TNRC6B: variants seen among roughly 807,000 people sequenced by gnomAD.
TNRC6B encodes the protein trinucleotide repeat-containing gene 6B protein.
In TNRC6B, 52 loss-of-function variants were observed where a neutral mutation model predicts 203.6. The ratio of observed to expected loss-of-function variants is 0.26; its 90% confidence interval spans 0.20 to 0.32. The LOEUF is 0.32. TNRC6B is among the 10% of genes least tolerant of loss of function. The pLI is 1.00. For synonymous variants in TNRC6B, 838 were observed against 845.7 expected, an observed-to-expected ratio of 0.99 and a Z score of 0.16; for missense variants, 1,923 against 2,286.2, an observed-to-expected ratio of 0.84 and a Z score of 3.24.
intron 1 of TNRC6B, among the ~76,000 whole-genome samples, chr22:40,105,087 A>AAAGG (rs2068271467): frequency 6.6e-6 from 1 of 152,226 alleles, no homozygotes; most frequent in Non-Finnish European, 1.5e-5. Context: ...AAAGCACACG[A>AAAGG]TTGAGAGCAA....
At chr22:40,172,979 A>G (rs2069016659), upstream of TNRC6B, among the ~76,000 whole-genome samples, 1 of 152,100 alleles carries the variant, frequency 6.6e-6, no homozygotes, top group Non-Finnish European at 1.5e-5. Flanking sequence ...GAGTTAAAAG[A>G]TTTTCTCTAA....
intron 1 of TNRC6B, among the ~76,000 whole-genome samples, chr22:40,099,078 C>T (rs904559372): frequency 6.6e-6 from 1 of 151,888 alleles, no homozygotes; most frequent in Non-Finnish European, 1.5e-5. Flanking sequence ...GGTGAAACCC[C>T]GTCTCTACTA....
At chr22:40,230,244 C>A (rs937052800) in intron 1 of TNRC6B, among the ~76,000 whole-genome samples, 7 of 130,830 alleles carry the variant, frequency 5.4e-5, no homozygotes, top group African/African-American at 2.0e-4. Flanking sequence ...TGTATGTCTT[C>A]TCTGGCAAAG....
chr22:40,187,997 A>T (rs1601869107), intron 1 of TNRC6B, among the ~76,000 whole-genome samples: 2 of 152,144 alleles, frequency 1.3e-5, no homozygotes, highest in Non-Finnish European at 2.9e-5. Context: ...AGGCGGGTGG[A>T]TCACCTGAGG....
Position 40,326,654 on chromosome 22 carries a change from A to G in TNRC6B, c.*3413A>G, listed in dbSNP as rs2071406072. The G allele has an allele frequency of 6.6e-6, 1 of 152,622 alleles. No individual in the cohort carries two copies. Among genetic ancestry groups the G allele is most frequent in the Admixed American group, 6.5e-5 (1 of 15,270 alleles). The allele number at this position is 152,622 out of a possible 1,614,324, so 9.5% of individuals were successfully genotyped here. ...ACAACCCCAGCAACAAAAGAAAGGA[A>G]GGAAGGAAGAAACAACAGCTTAAAA... On this transcript the variant is annotated 3_prime_UTR_variant, in exon 23 of 23. Coordinates refer to ENST00000454349, the MANE Select transcript of TNRC6B (RefSeq NM_001162501.2).
intron 4 of TNRC6B, among the ~76,000 whole-genome samples, chr22:40,158,023 G>A (rs1448460258): frequency 6.6e-6 from 1 of 152,100 alleles, no homozygotes; most frequent in Non-Finnish European, 1.5e-5. Flanking sequence ...AACTGCAGTT[G>A]TCAAAATCAA....
chr22:40,176,227 C>T (rs1487374332), upstream of TNRC6B, among the ~76,000 whole-genome samples: 3 of 151,120 alleles, frequency 2.0e-5, no homozygotes, highest in South Asian at 2.1e-4. Context: ...CGGGTTCAAG[C>T]GATTCTCCTG....
In TNRC6B at chr22:40,132,943, C is replaced by CAAAAATAAAAAATAAAAAAAAAA. The variant is rs1292227314; in HGVS notation, c.45+7086_45+7087insTAAAAAATAAAAAAAAAAAAAAA. Among the ~76,000 whole-genome samples, 8 of 23,878 alleles carry CAAAAATAAAAAATAAAAAAAAAA rather than the reference C, an allele frequency of 3.4e-4. 2 individuals carry two copies. Among genetic ancestry groups the CAAAAATAAAAAATAAAAAAAAAA allele is most frequent in the African/African-American group, 2.6e-4 (1 of 3,802 alleles). 15.7% of individuals were successfully genotyped at this position (23,878 alleles called of 152,430 possible). A position where few individuals can be genotyped will look rare whatever the true frequency, so the allele number is the denominator to read the frequency against. On this transcript the variant is annotated intron_variant, in intron 3 of 23. Coordinates refer to the TNRC6B transcript ENST00000301923. ...TGGGGGACAGAGCAAGACTCTGTCT[C>CAAAAATAAAAAATAAAAAAAAAA]AAAAAAAAAAAAAAAAAAAAAAAAA...
At chr22:40,063,414 T>C (rs2067870573) in intron 1 of TNRC6B, among the ~76,000 whole-genome samples, 3 of 152,252 alleles carry the variant, frequency 2.0e-5, no homozygotes, top group Admixed American at 6.5e-5. Flanking sequence ...CCCTTGAATT[T>C]CCACATGAAT....
chr22:40,096,322 G>A (rs1187621684), intron 1 of TNRC6B, among the ~76,000 whole-genome samples: 1 of 152,186 alleles, frequency 6.6e-6, no homozygotes, highest in Non-Finnish European at 1.5e-5. Flanking sequence ...AGAAACCATG[G>A]TTGTTATGGA....
chr22:40,236,406 T>C (rs2069948219), intron 1 of TNRC6B, among the ~76,000 whole-genome samples: 1 of 152,164 alleles, frequency 6.6e-6, no homozygotes, highest in Admixed American at 6.5e-5. Context: ...TTCATCCAAG[T>C]TGGTGTATTA....
upstream of TNRC6B, among the ~76,000 whole-genome samples, chr22:40,176,218 G>T (rs916522202): frequency 6.7e-6 from 1 of 149,398 alleles, no homozygotes; most frequent in African/African-American, 2.5e-5. Context: ...TCCGCCTCCC[G>T]GGTTCAAGCG....
intron 1 of TNRC6B, among the ~76,000 whole-genome samples, chr22:40,111,903 C>T (rs1242852781): frequency 6.6e-6 from 1 of 152,146 alleles, no homozygotes; most frequent in East Asian, 1.9e-4. Flanking sequence ...GAGTTCAAGG[C>T]CAGCCTGGCC....
chr22:40,249,029 C>T (rs563538894), intron 2 of TNRC6B, among the ~76,000 whole-genome samples: 4 of 152,282 alleles, frequency 2.6e-5, no homozygotes, highest in Admixed American at 1.3e-4. Context: ...TGCAAAGAAT[C>T]GTGGAGAACG....
intron 1 of TNRC6B, among the ~76,000 whole-genome samples, chr22:40,198,439 C>T (rs2146403157): frequency 6.6e-6 from 1 of 152,152 alleles, no homozygotes; most frequent in South Asian, 2.1e-4. Context: ...TAAGTGGGCT[C>T]AGCAAGGTGT....
rs1442058429 is a variant in TNRC6B, at chr22:40,265,460, T to G, written c.1230T>G (p.Pro410=). 1.2e-6 allele frequency: 2 copies of G among 1,613,978 alleles called. No individual in the cohort carries two copies. Among genetic ancestry groups the G allele is most frequent in the Admixed American group, 3.3e-5 (2 of 60,010 alleles). ...ACACCTCCAGGAGCACTGATGCCCC[T>G]TCACAAAGCACTGGAGATCGAAAGA... ...LGNTSRSTDA[P]SQSTGDRKTG... The change falls in exon 5 of 23, where the codon CCT becomes CCG. Residue 410 remains proline, a synonymous_variant. Coordinates refer to ENST00000454349, the MANE Select transcript of TNRC6B (RefSeq NM_001162501.2).
chr22:40,171,454 C>T (rs1485276209), intron 4 of TNRC6B, among the ~76,000 whole-genome samples: 2 of 152,020 alleles, frequency 1.3e-5, no homozygotes, highest in Non-Finnish European at 2.9e-5. Flanking sequence ...AGCCACCGCA[C>T]CCGGCCATAA....
At position 40,156,113 on chromosome 22, in the gene TNRC6B, AG is replaced by A; in HGVS notation, c.46del. On this transcript the variant is annotated splice_acceptor_variant, in intron 3 of 23. Coordinates refer to the TNRC6B transcript ENST00000301923. LOFTEE classifies it high-confidence loss of function. ...GCTGACCTGTGGTGCTTGCCTTTGC[AG>A]GTGGAACAGGAGGATTTTGTAATGG... The A allele has an allele frequency of 6.3e-7, 1 of 1,575,580 alleles. No individual in the cohort carries two copies. The highest frequency in any genetic ancestry group is 2.3e-5 in the East Asian group (1 of 43,208).
At chr22:40,048,172 G>C (rs1349379568) in intron 1 of TNRC6B, among the ~76,000 whole-genome samples, 3 of 152,034 alleles carry the variant, frequency 2.0e-5, no homozygotes, top group African/African-American at 7.3e-5. Context: ...CTTTCTTCAC[G>C]TCTTCACTAC....
Sources: allele counts gnomAD v4.1 joint callset (sites outside exome capture counted in the v4.1 genomes callset), GRCh38; gene constraint gnomAD v4.1.1; transcripts MANE v1.5; gene names NCBI Gene and HGNC (gene_info 2026-07-23, HGNC 2026-07-21).